Variants in GABRB3 observed in about 807,000 individuals in gnomAD.
The protein encoded by GABRB3 is gamma-aminobutyric acid receptor subunit beta-3.
Under a neutral mutation model 52.1 loss-of-function variants are expected in GABRB3, and 14 were observed. That is an observed-to-expected ratio of 0.27 (90% CI 0.18 to 0.42). The LOEUF is 0.42. Ranked by LOEUF, GABRB3 falls within the 10% of genes least tolerant of loss-of-function variation. The probability of loss-of-function intolerance (pLI) is 1.00; values close to 1 mark genes in which losing one functional copy is unlikely to be tolerated. For missense variants in GABRB3, 307 were observed against 609.1 expected (o/e 0.50, Z 5.22); for synonymous variants, 260 against 232.3 (o/e 1.12, Z -1.08).
intron 3 of GABRB3, among the ~76,000 whole-genome samples, chr15:26,730,765 T>C (rs1179482723): frequency 6.6e-6 from 1 of 152,208 alleles, no homozygotes; most frequent in Non-Finnish European, 1.5e-5. Flanking sequence ...AAATCCTCCA[T>C]CTGTTTTTTG....
At position 26,546,458 on chromosome 15, in the gene GABRB3, G is replaced by C. The variant is rs1889244831; in HGVS notation, c.*1335C>G. ...GGAACCAACAGTGACTGTGTTTGCT[G>C]TCAGGTTGCCCTCCTTTGCCTCAGA... On this transcript the variant is annotated 3_prime_UTR_variant, in exon 9 of 9. Transcript: ENST00000311550. 1 of 152,604 alleles carries C rather than the reference G, an allele frequency of 6.6e-6. No homozygotes were observed. The highest frequency in any genetic ancestry group is 1.5e-5 in the Non-Finnish European group (1 of 68,074). 9.5% of individuals were successfully genotyped at this position (152,604 alleles called of 1,614,324 possible).
At chr15:26,762,640 C>T (rs1890851528) in intron 3 of GABRB3, among the ~76,000 whole-genome samples, 1 of 152,160 alleles carries the variant, frequency 6.6e-6, no homozygotes, top group African/African-American at 2.4e-5. Flanking sequence ...AGCAAAGAAA[C>T]CTATTTTATG....
intron 3 of GABRB3, chr15:26,716,555 C>T (rs1017608308): frequency 1.1e-5 from 11 of 986,714 alleles, no homozygotes; most frequent in African/African-American, 5.2e-5. Flanking sequence ...ACCCATAAAC[C>T]GTCTTCACCA....
At chr15:26,701,878 A>G (rs1021996081) in intron 3 of GABRB3, among the ~76,000 whole-genome samples, 1 of 152,238 alleles carries the variant, frequency 6.6e-6, no homozygotes, top group African/African-American at 2.4e-5. Context: ...TGGTATAACT[A>G]TACATGGAGA....
intron 4 of GABRB3, chr15:26,613,141 A>C (rs1336932007): frequency 6.5e-6 from 1 of 152,718 alleles, no homozygotes; most frequent in Non-Finnish European, 1.5e-5. Context: ...GGCTGGGTGC[A>C]GTGGCTCATG....
intron 3 of GABRB3, among the ~76,000 whole-genome samples, chr15:26,649,281 T>G (rs1409794031): frequency 6.6e-6 from 1 of 152,034 alleles, no homozygotes; most frequent in African/African-American, 2.4e-5. Flanking sequence ...TAGAGGGACA[T>G]GAGATGCCCT....
intron 3 of GABRB3, among the ~76,000 whole-genome samples, chr15:26,722,977 A>G (rs1224015335): frequency 6.6e-6 from 1 of 152,152 alleles, no homozygotes. Context: ...GAGTGATTTC[A>G]TTTTAATAAT....
rs184811163 is a variant in GABRB3 at position 26,576,764 on chromosome 15, A to G, written c.682+3555T>C. Among the ~76,000 whole-genome samples the G allele has an allele frequency of 1.6e-3, 242 of 152,314 alleles. 1 individual carries two copies. Among genetic ancestry groups the G allele is most frequent in the African/African-American group, 5.7e-3 (235 of 41,574 alleles). The stretch of plus-strand genomic sequence containing the variant: ...CTAAGGGGGCAGGCACTGGACATAG[A>G]GGCCATCAAGAAGGGGGCCACAATA... On this transcript the variant is annotated intron_variant, in intron 6 of 8. Coordinates refer to ENST00000311550, the MANE Select transcript of GABRB3 (RefSeq NM_000814.6).
chr15:26,609,763 TGA>T (rs2140515832), intron 4 of GABRB3, among the ~76,000 whole-genome samples: 1 of 152,330 alleles, frequency 6.6e-6, no homozygotes, highest in African/African-American at 2.4e-5. Context: ...TCAAAGTTGC[TGA>T]GAGAATAAAT....
chr15:26,564,358 T>C (rs1890088969), intron 7 of GABRB3, among the ~76,000 whole-genome samples: 1 of 152,172 alleles, frequency 6.6e-6, no homozygotes. Context: ...AACAGTTCAA[T>C]GTATCTGATG....
chr15:26,551,667 C>A (rs1889468449), intron 8 of GABRB3, among the ~76,000 whole-genome samples: 1 of 152,208 alleles, frequency 6.6e-6, no homozygotes, highest in Non-Finnish European at 1.5e-5. Flanking sequence ...GCTTCTAAAC[C>A]AATGCTACAT....
At position 26,642,732 on chromosome 15, in the gene GABRB3, T is replaced by C. The variant is rs754185; in HGVS notation, c.241-21198A>G. On this transcript the variant is annotated intron_variant, in intron 3 of 8. Coordinates refer to ENST00000311550, the MANE Select transcript of GABRB3 (RefSeq NM_000814.6). ...ACAATTTTTAAATATTGTGAGTTAT[T>C]TGCGAGAAAGATTATCACTCAACAG... Among the ~76,000 whole-genome samples the C allele has an allele frequency of 0.57, 86,290 of 151,790 alleles. 26,693 individuals carry two copies. The highest frequency in any genetic ancestry group is 0.87 in the East Asian group (4,452 of 5,136).
intron 3 of GABRB3, among the ~76,000 whole-genome samples, chr15:26,762,839 T>C (rs530108742): frequency 2.8e-4 from 43 of 152,144 alleles, no homozygotes; most frequent in Non-Finnish European, 3.4e-4. Flanking sequence ...CAAGCAACCA[T>C]TGTTTTAGTC....
chr15:26,653,285 A>G lies in GABRB3; in HGVS notation c.241-31751T>C, dbSNP rs144320027. ...GGCCAAAAGATTCTGAACCTCCCCA[A>G]TTGCTCTTATGGATAACATCACTAT... On this transcript the variant is annotated intron_variant, in intron 3 of 8. Transcript: ENST00000311550. Among the ~76,000 whole-genome samples the G allele has an allele frequency of 1.3e-4, 20 of 152,262 alleles. No individual in the cohort carries two copies. In the East Asian group the frequency reaches 1.5e-3, roughly 12 times the overall value.
At chr15:26,625,401 C>T in intron 3 of GABRB3, 1 of 751,458 alleles carries the variant, frequency 1.3e-6, no homozygotes, top group Non-Finnish European at 1.6e-6. Context: ...CAATGCATCC[C>T]ATACATCCCA....
upstream of GABRB3, chr15:26,773,079 A>C: frequency 2.0e-6 from 2 of 996,456 alleles, no homozygotes; most frequent in Non-Finnish European, 2.4e-6. Context: ...CCCGGAGCGG[A>C]GGAGGGCGGA....
chr15:26,770,273 T>C (rs145802837), intron 3 of GABRB3, among the ~76,000 whole-genome samples: 2 of 152,184 alleles, frequency 1.3e-5, no homozygotes, highest in African/African-American at 2.4e-5. Flanking sequence ...TATTTGTTTA[T>C]AATAGGTGTG....
At chr15:26,551,786 G>A (rs746234535) in intron 8 of GABRB3, among the ~76,000 whole-genome samples, 25 of 152,118 alleles carry the variant, frequency 1.6e-4, no homozygotes, top group Admixed American at 8.5e-4. Context: ...TCCACTAGAC[G>A]GAGTGGTCTC....
chr15:26,643,478 T>C (rs1471243539), intron 3 of GABRB3, among the ~76,000 whole-genome samples: 1 of 152,156 alleles, frequency 6.6e-6, no homozygotes, highest in East Asian at 1.9e-4. Context: ...AAAGGGTAGT[T>C]TTCAACTTCA....
Sources: gnomAD v4.1 joint callset for allele counts (sites outside exome capture counted in the v4.1 genomes callset) on GRCh38, gnomAD v4.1.1 for gene constraint, MANE v1.5 for transcripts, NCBI Gene and HGNC (gene_info 2026-07-23, HGNC 2026-07-21) for gene names.